CTNNA2: variants seen among roughly 807,000 people sequenced by gnomAD.
CTNNA2 encodes the protein catenin alpha 2.
In CTNNA2, 42 loss-of-function variants were observed where a neutral mutation model predicts 101.0. That is an observed-to-expected ratio of 0.42 (90% CI 0.32 to 0.54). The LOEUF is 0.54. Ranked by LOEUF, CTNNA2 falls within the 20% of genes least tolerant of loss-of-function variation. The pLI is 0.14. For synonymous variants in CTNNA2, 450 were observed against 456.4 expected (o/e 0.99, Z 0.18); for missense variants, 871 against 1,223.1 (o/e 0.71, Z 4.29).
intron 1 of CTNNA2, among the ~76,000 whole-genome samples, chr2:79,192,777 A>C (rs969334516): frequency 6.6e-6 from 1 of 152,144 alleles, no homozygotes; most frequent in East Asian, 1.9e-4. Flanking sequence ...CCCTTGAATA[A>C]AGTAGGTGAC....
intron 18 of CTNNA2, among the ~76,000 whole-genome samples, chr2:80,632,029 T>G (rs1410418821): frequency 6.6e-6 from 1 of 152,118 alleles, no homozygotes; most frequent in Non-Finnish European, 1.5e-5. Flanking sequence ...GATTATTAAA[T>G]TGATGCATAA....
intron 7 of CTNNA2, among the ~76,000 whole-genome samples, chr2:79,929,560 G>A (rs987429550): frequency 2.0e-5 from 3 of 152,182 alleles, no homozygotes; most frequent in East Asian, 1.9e-4. Context: ...CAGGAATGCT[G>A]TAACTAGAAA....
intron 9 of CTNNA2, among the ~76,000 whole-genome samples, chr2:80,509,014 T>A (rs1688497517): frequency 6.6e-6 from 1 of 152,180 alleles, no homozygotes; most frequent in South Asian, 2.1e-4. Context: ...TACCTCTAAT[T>A]ATCTGTGGAT....
chr2:79,852,880 G>A (rs1036659404), intron 3 of CTNNA2, among the ~76,000 whole-genome samples: 6 of 152,004 alleles, frequency 3.9e-5, no homozygotes, highest in South Asian at 2.1e-4. Flanking sequence ...GTGAGCCACC[G>A]CGCACAGCCG....
At chr2:79,286,101 T>G (rs377242316) in intron 2 of CTNNA2, among the ~76,000 whole-genome samples, 3,333 of 151,994 alleles carry the variant, frequency 0.022, 56 homozygotes, top group Non-Finnish European at 0.033. Flanking sequence ...GTTTTCCATT[T>G]GCTTGGTAGA....
At chr2:80,453,286 G>A (rs1269045764) in intron 9 of CTNNA2, among the ~76,000 whole-genome samples, 1 of 152,102 alleles carries the variant, frequency 6.6e-6, no homozygotes, top group African/African-American at 2.4e-5. Flanking sequence ...CATGGCCAAG[G>A]TTGGTAGGGA....
chr2:79,284,964 C>G (rs1675520948), intron 2 of CTNNA2, among the ~76,000 whole-genome samples: 2 of 115,318 alleles, frequency 1.7e-5, no homozygotes, highest in African/African-American at 3.3e-5. Context: ...TTCAGAGATT[C>G]AACTTCTTCC....
chr2:80,627,073 C>T (rs962009409), intron 18 of CTNNA2, among the ~76,000 whole-genome samples: 2 of 152,142 alleles, frequency 1.3e-5, no homozygotes, highest in African/African-American at 4.8e-5. Context: ...CATAGTATTC[C>T]ATGGTGTATA....
chr2:79,810,113 A>G lies in CTNNA2; in HGVS notation c.299-47900A>G, dbSNP rs570851820. ...GTAAATGGGCTAAATGCCCCAATTA[A>G]AAGACATCATCATTTCTTAGAGACT... On this transcript the variant is annotated intron_variant, in intron 3 of 18. Coordinates refer to ENST00000402739, the MANE Select transcript of CTNNA2 (RefSeq NM_001282597.3). 5.3e-5 allele frequency among the ~76,000 whole-genome samples: 8 copies of G among 152,354 alleles called. No individual in the cohort carries two copies. The South Asian group carries it at 1.5e-3, about 28-fold the overall frequency.
chr2:79,438,238 A>G (rs570265366), intron 4 of CTNNA2, among the ~76,000 whole-genome samples: 1 of 152,204 alleles, frequency 6.6e-6, no homozygotes, highest in South Asian at 2.1e-4. Flanking sequence ...AGTGTGGGGG[A>G]GTCCCTGTGA....
rs60336887 is a variant in CTNNA2, at chr2:79,893,990, T to TTTCTTC, written c.853-15534_853-15529dup. On this transcript the variant is annotated intron_variant, in intron 6 of 18. Transcript: ENST00000402739. The stretch of plus-strand genomic sequence containing the variant: ...TTTTATTCTGTCAAGCTTAGGCTGT[T>TTTCTTC]TTCTTCTTCTTCTTCTTCTTCTTCT... Among the ~76,000 whole-genome samples, 436 of 114,902 alleles carry TTTCTTC rather than the reference T, an allele frequency of 3.8e-3. 4 individuals carry two copies. The highest frequency in any genetic ancestry group is 9.5e-3 in the Middle Eastern group (2 of 210). The allele number at this position is 114,902 out of a possible 152,430, so 75.4% of individuals were successfully genotyped here.
chr2:80,057,020 G>A lies in CTNNA2; in HGVS notation c.1056+147223G>A, dbSNP rs367613107. On this transcript the variant is annotated intron_variant, in intron 7 of 18. Transcript: ENST00000402739. ...ATTTACATATCTTCACTTTTGGAAC[G>A]GGTGAAGTTAACTCATTTAAAAAAT... Among the ~76,000 whole-genome samples, 7 of 152,228 alleles carry A rather than the reference G, an allele frequency of 4.6e-5. No homozygotes were observed. In the East Asian group the frequency reaches 1.4e-3, roughly 29 times the overall value.
chr2:79,475,678 A>AAAT (rs1573183770), intron 4 of CTNNA2, among the ~76,000 whole-genome samples: 2 of 69,336 alleles, frequency 2.9e-5, no homozygotes, highest in Admixed American at 2.6e-4. Context: ...ATCTTTGAAT[A>AAAT]CTTTTTTTTT....
intron 7 of CTNNA2, chr2:80,298,061 A>G (rs1191244180): frequency 6.6e-6 from 1 of 151,208 alleles, no homozygotes; most frequent in Non-Finnish European, 1.5e-5. Context: ...ACACACACAC[A>G]CATGTGTGCA....
intron 1 of CTNNA2, among the ~76,000 whole-genome samples, chr2:79,550,187 C>T (rs1674007010): frequency 6.6e-6 from 1 of 152,188 alleles, no homozygotes; most frequent in Non-Finnish European, 1.5e-5. Flanking sequence ...CCCCTTTCTG[C>T]ACTCTGGTTA....
At chr2:79,946,482 TTTC>T (rs2104475028) in intron 7 of CTNNA2, among the ~76,000 whole-genome samples, 1 of 152,336 alleles carries the variant, frequency 6.6e-6, no homozygotes, top group Non-Finnish European at 1.5e-5. Flanking sequence ...AAGTGGTATT[TTTC>T]TTAAGGTTGA....
intron 2 of CTNNA2, among the ~76,000 whole-genome samples, chr2:79,732,241 G>A (rs984384775): frequency 2.6e-5 from 4 of 152,036 alleles, no homozygotes; most frequent in African/African-American, 9.7e-5. Context: ...TGCTCTGAGA[G>A]ATGCCAACAA....
intron 2 of CTNNA2, among the ~76,000 whole-genome samples, chr2:79,709,891 A>T (rs571503097): frequency 5.9e-5 from 9 of 152,256 alleles, no homozygotes; most frequent in African/African-American, 2.2e-4. Flanking sequence ...AGAGACATTA[A>T]CAAGAACAGA....
chr2:79,821,339 G>T (rs1436236960), intron 3 of CTNNA2, among the ~76,000 whole-genome samples: 1 of 152,088 alleles, frequency 6.6e-6, no homozygotes, highest in Non-Finnish European at 1.5e-5. Flanking sequence ...CTCCCAAGTA[G>T]CTGGGACTAC....
Sources: gnomAD v4.1 joint callset for allele counts (sites outside exome capture counted in the v4.1 genomes callset) on GRCh38, gnomAD v4.1.1 for gene constraint, MANE v1.5 for transcripts, NCBI Gene and HGNC (gene_info 2026-07-23, HGNC 2026-07-21) for gene names.